Variants in AFF1 observed in about 807,000 individuals in gnomAD.
AFF1 encodes the protein ALF transcription elongation factor 1.
Under a neutral mutation model 121.7 loss-of-function variants are expected in AFF1, and 48 were observed. The ratio of observed to expected loss-of-function variants is 0.39; its 90% confidence interval spans 0.31 to 0.50. The LOEUF (loss-of-function observed/expected upper bound fraction) is 0.50. Among genes scored for constraint, AFF1 ranks in the 20% least tolerant of loss-of-function variants. AFF1 has a pLI of 0.76. For missense variants in AFF1, 1,523 were observed against 1,511.7 expected (o/e 1.01, Z -0.12); for synonymous variants, 613 against 563.0 (o/e 1.09, Z -1.26).
At chr4:86,963,264 A>G (rs1722279006) in intron 2 of AFF1, among the ~76,000 whole-genome samples, 1 of 152,050 alleles carries the variant, frequency 6.6e-6, no homozygotes, top group Non-Finnish European at 1.5e-5. Context: ...TTAAGTAAAT[A>G]GAAATCATAT....
intron 2 of AFF1, among the ~76,000 whole-genome samples, chr4:87,001,297 A>G (rs1158581802): frequency 7.8e-6 from 1 of 127,428 alleles, no homozygotes; most frequent in Admixed American, 1.1e-4. Flanking sequence ...GCTCACTGCA[A>G]CCTCCCCCTC....
chr4:86,990,890 G>A (rs1288281928), intron 2 of AFF1, among the ~76,000 whole-genome samples: 1 of 152,186 alleles, frequency 6.6e-6, no homozygotes, highest in Non-Finnish European at 1.5e-5. Flanking sequence ...GGTGGCTCAC[G>A]CCTGTAATCC....
chr4:86,943,855 G>A (rs1405408244), intron 1 of AFF1, among the ~76,000 whole-genome samples: 2 of 151,826 alleles, frequency 1.3e-5, no homozygotes, highest in South Asian at 2.1e-4. Flanking sequence ...CCAGCTACTC[G>A]GGAGGCTGAG....
At chr4:87,041,801 G>A (rs925073998) in intron 2 of AFF1, among the ~76,000 whole-genome samples, 4 of 152,096 alleles carry the variant, frequency 2.6e-5, no homozygotes, top group Admixed American at 6.5e-5. Context: ...GATCACTTGA[G>A]GTCAGGAGTT....
intron 2 of AFF1, among the ~76,000 whole-genome samples, chr4:86,979,367 G>A (rs915546235): frequency 6.6e-6 from 1 of 152,148 alleles, no homozygotes; most frequent in Non-Finnish European, 1.5e-5. Flanking sequence ...CCAAAGTGCT[G>A]GGATTACAGG....
At position 86,987,559 on chromosome 4, in the gene AFF1, C is replaced by G. The variant is rs545849042; in HGVS notation, c.38+38988C>G. 4.6e-5 allele frequency among the ~76,000 whole-genome samples: 7 copies of G among 152,250 alleles called. No individual in the cohort carries two copies. In the East Asian group the frequency reaches 1.4e-3, roughly 29 times the overall value. On this transcript the variant is annotated intron_variant, in intron 2 of 20. Transcript: ENST00000395146. ...GTCCTAATTCTTCAGTAGGTGATAA[C>G]TGATTAATACCCATGTGGAAACCAG... is the stretch of plus-strand genomic sequence containing the variant.
At chr4:87,054,354 G>A (rs1039252753) in intron 4 of AFF1, among the ~76,000 whole-genome samples, 1 of 152,170 alleles carries the variant, frequency 6.6e-6, no homozygotes, top group African/African-American at 2.4e-5. Flanking sequence ...GATGGATGGG[G>A]CTTTCATTCC....
intron 2 of AFF1, among the ~76,000 whole-genome samples, chr4:86,986,025 A>AAATTTAATTTAATTT (rs1208663779): frequency 1.5e-5 from 2 of 136,424 alleles, no homozygotes; most frequent in Non-Finnish European, 3.2e-5. Flanking sequence ...CCTTTTTTTA[A>AAATTTAATTTAATTT]AATTTAATTC....
chr4:87,114,510 G>C lies in AFF1; in HGVS notation c.1677G>C (p.Thr559=), dbSNP rs146182456. 5.0e-6 allele frequency: 8 copies of C among 1,613,498 alleles called. No individual in the cohort carries two copies. Among genetic ancestry groups the C allele is most frequent in the African/African-American group, 1.3e-5 (1 of 74,992 alleles). ...PESKGSSDSA[T]SQEHSESKDP... is the part of the protein sequence containing the mutation. Reference sequence around the variant, plus strand: ...GTAAGGGCAGCAGCGACAGTGCCACGAGTCAGGAGCATTCTGAATCCAAAG... The same window carrying C: ...GTAAGGGCAGCAGCGACAGTGCCACCAGTCAGGAGCATTCTGAATCCAAAG... Residue 559 remains threonine (T), a synonymous_variant, in exon 12 of 21, where the codon ACG becomes ACC. Coordinates refer to ENST00000395146, the MANE Select transcript of AFF1 (RefSeq NM_001166693.3).
chr4:87,062,346 C>T (rs1444560958), intron 4 of AFF1, among the ~76,000 whole-genome samples: 1 of 152,110 alleles, frequency 6.6e-6, no homozygotes, highest in Non-Finnish European at 1.5e-5. Context: ...CTTGCTCCCT[C>T]AAACCCCTTT....
chr4:86,947,488 A>T (rs547119964), intron 1 of AFF1, among the ~76,000 whole-genome samples: 1 of 152,364 alleles, frequency 6.6e-6, no homozygotes, highest in Admixed American at 6.5e-5. Context: ...AAATGATTAC[A>T]AATTTAATGT....
At chr4:87,056,382 C>T (rs1164935234) in intron 4 of AFF1, among the ~76,000 whole-genome samples, 2 of 152,104 alleles carry the variant, frequency 1.3e-5, no homozygotes, top group Admixed American at 1.3e-4. Flanking sequence ...TCGAGGTATT[C>T]TTAACAACCC....
At position 87,137,067 on chromosome 4, in the gene AFF1, A is replaced by G; in HGVS notation, c.*1366A>G. ...ACACAATCAGAAATCCCATGTGCCC[A>G]TAAGCACAGATTTTTCTTTTTCATT... On this transcript the variant is annotated 3_prime_UTR_variant, in exon 21 of 21. Coordinates refer to ENST00000395146, the MANE Select transcript of AFF1 (RefSeq NM_001166693.3). 1 of 224,530 alleles carries G rather than the reference A, an allele frequency of 4.5e-6. No individual in the cohort carries two copies. The highest frequency in any genetic ancestry group is 8.9e-6 in the Non-Finnish European group (1 of 112,384). 13.9% of individuals were successfully genotyped at this position (224,530 alleles called of 1,614,324 possible). A position where few individuals can be genotyped will look rare whatever the true frequency, so the allele number is the denominator to read the frequency against.
chr4:86,985,501 C>G (rs1408274637), intron 2 of AFF1, among the ~76,000 whole-genome samples: 1 of 137,450 alleles, frequency 7.3e-6, no homozygotes, highest in East Asian at 2.1e-4. Flanking sequence ...CAGCGAGACA[C>G]TGTCTCAAAA....
chr4:87,026,404 A>G (rs556021790), intron 2 of AFF1, among the ~76,000 whole-genome samples: 80 of 152,122 alleles, frequency 5.3e-4, no homozygotes, highest in African/African-American at 1.9e-3. Context: ...TGCTGAGACC[A>G]TTCCCTGTAC....
intron 4 of AFF1, among the ~76,000 whole-genome samples, chr4:87,049,079 TAA>T (rs869134642): frequency 3.0e-4 from 20 of 66,056 alleles, no homozygotes; most frequent in African/African-American, 1.0e-3. Flanking sequence ...GTTCCCAGTT[TAA>T]AAAAAAAAAA....
At chr4:87,105,959 G>A (rs1725871607) in intron 10 of AFF1, 114 bp downstream of exon 10, 1 of 1,320,638 alleles carries the variant, frequency 7.6e-7, no homozygotes, top group African/African-American at 1.5e-5. Context: ...AGGAGCTGAA[G>A]GATCACAGTA....
At chr4:87,045,831 A>C (rs866710850) in intron 2 of AFF1, among the ~76,000 whole-genome samples, 1 of 152,182 alleles carries the variant, frequency 6.6e-6, no homozygotes, top group Non-Finnish European at 1.5e-5. Context: ...TTGCAAGCTG[A>C]AAATAAAAAT....
chr4:87,074,054 A>G (rs1266903744), intron 4 of AFF1, among the ~76,000 whole-genome samples: 1 of 151,878 alleles, frequency 6.6e-6, no homozygotes, highest in Non-Finnish European at 1.5e-5. Context: ...GAACACCACC[A>G]CGCTGCAGTT....
Sources: allele counts gnomAD v4.1 joint callset (sites outside exome capture counted in the v4.1 genomes callset), GRCh38; gene constraint gnomAD v4.1.1; transcripts MANE v1.5; gene names NCBI Gene and HGNC (gene_info 2026-07-23, HGNC 2026-07-21).